Variants in RIGI observed in about 807,000 individuals in gnomAD.
RIGI encodes RNA sensor RIG-I, also known as antiviral innate immune response receptor RIG-I.
At chr9:32,493,359 C>T in the RIGI span, among the ~76,000 whole-genome samples, 674 of 152,340 alleles carry the variant, frequency 4.4e-3, 7 homozygotes, top group African/African-American at 0.015. Context: ...AGCACGGTGG[C>T]TCACGCCTGT....
At chr9:32,499,188 AT>A in the RIGI span, among the ~76,000 whole-genome samples, 3 of 150,322 alleles carry the variant, frequency 2.0e-5, no homozygotes, top group Admixed American at 6.6e-5. Context: ...GTTTGTCCAA[AT>A]TTTTTGCTCT....
At chr9:32,458,570 T>C in the RIGI span, among the ~76,000 whole-genome samples, 1 of 152,222 alleles carries the variant, frequency 6.6e-6, no homozygotes, top group African/African-American at 2.4e-5. Flanking sequence ...GGTTACTTTT[T>C]TCCTTATTAC....
chr9:32,463,614 T>C, the RIGI span, among the ~76,000 whole-genome samples: 1 of 152,158 alleles, frequency 6.6e-6, no homozygotes, highest in South Asian at 2.1e-4. Context: ...CTATTACAGC[T>C]ATACTTAAAA....
chr9:32,514,015 C>T, the RIGI span, among the ~76,000 whole-genome samples: 1 of 152,140 alleles, frequency 6.6e-6, no homozygotes, highest in Non-Finnish European at 1.5e-5. Flanking sequence ...CAAATCAAAA[C>T]CACAATGAGA....
At chr9:32,514,924 G>A in the RIGI span, among the ~76,000 whole-genome samples, 2 of 151,804 alleles carry the variant, frequency 1.3e-5, no homozygotes, top group African/African-American at 4.8e-5. Context: ...ATATATATGA[G>A]ACCCCACATA....
the RIGI span, among the ~76,000 whole-genome samples, chr9:32,477,779 G>A: frequency 1.3e-5 from 2 of 151,930 alleles, no homozygotes; most frequent in Non-Finnish European, 2.9e-5. Flanking sequence ...ACAAAAATTA[G>A]CCAGGCGTGG....
chr9:32,457,318 T>C, the RIGI span: 2 of 1,614,088 alleles, frequency 1.2e-6, no homozygotes, highest in Non-Finnish European at 1.7e-6. Flanking sequence ...ACAGAATATC[T>C]TTGCTCTTTT....
chr9:32,523,069 T>G, the RIGI span, among the ~76,000 whole-genome samples: 2 of 152,278 alleles, frequency 1.3e-5, no homozygotes, highest in Non-Finnish European at 2.9e-5. Context: ...GAGTCCATTT[T>G]CCAACACCTA....
At chr9:32,467,080 T>C in the RIGI span, among the ~76,000 whole-genome samples, 1 of 152,136 alleles carries the variant, frequency 6.6e-6, no homozygotes. Context: ...TCAGGTGATA[T>C]GGAGGCAGGG....
chr9:32,499,133 A>C, the RIGI span, among the ~76,000 whole-genome samples: 1 of 152,038 alleles, frequency 6.6e-6, no homozygotes, highest in Non-Finnish European at 1.5e-5. Flanking sequence ...TGGGCTGAGA[A>C]TCTTTTACAT....
At chr9:32,491,496 G>A in the RIGI span, 1 of 1,189,276 alleles carries the variant, frequency 8.4e-7, no homozygotes, top group South Asian at 1.5e-5. Context: ...TCCACAAAAT[G>A]GTCATAACAC....
the RIGI span, among the ~76,000 whole-genome samples, chr9:32,479,608 G>A: frequency 1.3e-3 from 194 of 152,116 alleles, 2 homozygotes; most frequent in South Asian, 0.02. Flanking sequence ...AGGCAGAGAC[G>A]GGTGGATCAC....
the RIGI span, among the ~76,000 whole-genome samples, chr9:32,474,943 T>C: frequency 7.9e-5 from 12 of 152,268 alleles, no homozygotes; most frequent in East Asian, 2.1e-3. Context: ...TTTATCTTTA[T>C]GTATTTTTAA....
the RIGI span, among the ~76,000 whole-genome samples, chr9:32,483,100 TGAG>T: frequency 9.9e-5 from 15 of 152,206 alleles, no homozygotes; most frequent in East Asian, 2.3e-3. Flanking sequence ...GGGGATAAGA[TGAG>T]GAGACTATGG....
chr9:32,473,697 A>T, the RIGI span, among the ~76,000 whole-genome samples: 151,996 of 152,354 alleles, frequency 1, 75,820 homozygotes, highest in Middle Eastern at 1. Context: ...AATTCAACTG[A>T]ATTTCTACAT....
At chr9:32,498,859 T>C in the RIGI span, among the ~76,000 whole-genome samples, 1 of 151,896 alleles carries the variant, frequency 6.6e-6, no homozygotes, top group African/African-American at 2.4e-5. Context: ...GGTGGCCACC[T>C]GTAATCCCAG....
the RIGI span, among the ~76,000 whole-genome samples, chr9:32,508,239 A>ATTTTTTTTTTTTTTTTTTTTTT: frequency 0.028 from 1,988 of 70,248 alleles, 538 homozygotes; most frequent in Middle Eastern, 0.057. Context: ...TATTTACTTA[A>ATTTTTTTTTTTTTTTTTTTTTT]TTTTTTTTTT....
the RIGI span, chr9:32,501,046 A>G: frequency 4.5e-6 from 6 of 1,337,028 alleles, no homozygotes; most frequent in Non-Finnish European, 6.2e-6. Flanking sequence ...CAGGAATTGT[A>G]CCAAGTCACA....
chr9:32,469,232 G>A, the RIGI span, among the ~76,000 whole-genome samples: 15 of 152,144 alleles, frequency 9.9e-5, no homozygotes, highest in Non-Finnish European at 2.2e-4. Flanking sequence ...CTGTGAGTGT[G>A]AGCTATAACT....
Sources: gnomAD v4.1 joint callset for allele counts (sites outside exome capture counted in the v4.1 genomes callset) on GRCh38, gnomAD v4.1.1 for gene constraint, MANE v1.5 for transcripts, NCBI Gene and HGNC (gene_info 2026-07-23, HGNC 2026-07-21) for gene names.